ILRUN: variants seen among roughly 807,000 people sequenced by gnomAD.
ILRUN encodes inflammation and lipid regulator with UBA-like and NBR1-like domains.
ILRUN carries 3 observed loss-of-function variants against 33.8 expected under a neutral mutation model. The observed-to-expected ratio is 0.09, with a 90% CI of 0.04 to 0.23. The LOEUF is 0.23. Among genes scored for constraint, ILRUN ranks in the 10% least tolerant of loss-of-function variants. The pLI is 1.00. For missense variants in ILRUN, 210 were observed against 375.1 expected (o/e 0.56, Z 3.64); for synonymous variants, 124 against 138.9 (o/e 0.89, Z 0.75).
intron 1 of ILRUN, among the ~76,000 whole-genome samples, chr6:34,682,021 C>CTTTTTTTTTTTT (rs1377020252): frequency 8.5e-5 from 11 of 130,014 alleles, no homozygotes; most frequent in East Asian, 2.2e-4. Context: ...CCCACTAATT[C>CTTTTTTTTTTTT]TTATATTTTT....
intron 1 of ILRUN, among the ~76,000 whole-genome samples, chr6:34,681,532 G>A (rs889643564): frequency 6.6e-6 from 1 of 152,140 alleles, no homozygotes; most frequent in Non-Finnish European, 1.5e-5. Context: ...GGGAGGCCAA[G>A]GCAGGAGAAT....
intron 1 of ILRUN, among the ~76,000 whole-genome samples, chr6:34,686,393 A>C (rs1471643810): frequency 6.8e-6 from 1 of 146,716 alleles, no homozygotes; most frequent in African/African-American, 2.6e-5. Flanking sequence ...CCAGCTACTC[A>C]GGAGGCTGAG....
At chr6:34,658,607 G>C (rs1041904988) in intron 1 of ILRUN, among the ~76,000 whole-genome samples, 1 of 151,002 alleles carries the variant, frequency 6.6e-6, no homozygotes, top group African/African-American at 2.4e-5. Context: ...AGGAATTCGA[G>C]ACCAGCCTGG....
intron 4 of ILRUN, among the ~76,000 whole-genome samples, chr6:34,599,479 C>T (rs949451707): frequency 1.3e-5 from 2 of 152,086 alleles, no homozygotes; most frequent in Non-Finnish European, 2.9e-5. Context: ...GTACTATTGG[C>T]ATCTAGTGGG....
chr6:34,670,561 G>A (rs941676442), intron 1 of ILRUN, among the ~76,000 whole-genome samples: 5 of 152,098 alleles, frequency 3.3e-5, no homozygotes, highest in Non-Finnish European at 7.4e-5. Flanking sequence ...ATTAAAAGAT[G>A]AGGATAGGGC....
chr6:34,682,170 C>CTA (rs1763375306), intron 1 of ILRUN, among the ~76,000 whole-genome samples: 1 of 150,376 alleles, frequency 6.6e-6, no homozygotes, highest in South Asian at 2.1e-4. Flanking sequence ...CCACGCCCAG[C>CTA]CTTGTCTGTT....
intron 3 of ILRUN, among the ~76,000 whole-genome samples, chr6:34,632,501 T>C (rs1378731698): frequency 6.6e-6 from 1 of 152,082 alleles, no homozygotes. Flanking sequence ...CTTTTCTCTT[T>C]AGACTTTATT....
intron 1 of ILRUN, among the ~76,000 whole-genome samples, chr6:34,666,621 GA>G (rs781332875): frequency 6.6e-6 from 1 of 152,102 alleles, no homozygotes; most frequent in Non-Finnish European, 1.5e-5. Flanking sequence ...ATGGAACTTG[GA>G]AAAAGAATAA....
chr6:34,587,993 T>TG lies in ILRUN; in HGVS notation c.*2571dup, dbSNP rs1761227483. ...AGATTCTAAGAGGAGCAGGGACTAT[T>TG]GGGGCTGAGAGGTAGCCACTACCAC... is the stretch of plus-strand genomic sequence containing the variant. On this transcript the variant is annotated 3_prime_UTR_variant, in exon 5 of 5. Coordinates refer to ENST00000374023, the MANE Select transcript of ILRUN (RefSeq NM_024294.4). The TG allele has an allele frequency of 2.5e-6, 1 of 398,126 alleles. No homozygotes were observed. Among genetic ancestry groups the TG allele is most frequent in the Admixed American group, 4.4e-5 (1 of 22,710 alleles). 24.7% of individuals were successfully genotyped at this position (398,126 alleles called of 1,614,324 possible).
chr6:34,642,193 C>A (rs1762487028), intron 3 of ILRUN, among the ~76,000 whole-genome samples: 1 of 152,170 alleles, frequency 6.6e-6, no homozygotes, highest in African/African-American at 2.4e-5. Context: ...GAAGGGACGA[C>A]ATGACGCTGG....
chr6:34,656,793 T>C (rs982033753), intron 1 of ILRUN, among the ~76,000 whole-genome samples: 1 of 152,242 alleles, frequency 6.6e-6, no homozygotes, highest in Non-Finnish European at 1.5e-5. Flanking sequence ...TCAAGCCTCA[T>C]GCAATGGTGG....
At chr6:34,677,737 C>G (rs190012197) in intron 1 of ILRUN, among the ~76,000 whole-genome samples, 1 of 151,986 alleles carries the variant, frequency 6.6e-6, no homozygotes, top group African/African-American at 2.4e-5. Flanking sequence ...TTGCTTGCAC[C>G]CAGGAGTTCG....
intron 1 of ILRUN, among the ~76,000 whole-genome samples, chr6:34,664,144 C>G (rs1462546865): frequency 1.3e-5 from 2 of 152,162 alleles, no homozygotes; most frequent in African/African-American, 4.8e-5. Context: ...CTTGTGACCT[C>G]CAGAACTGCT....
At position 34,686,101 on chromosome 6, in the gene ILRUN, T is replaced by G. The variant is rs546778699; in HGVS notation, c.158+10345A>C. ...TGGACCTCAGCACATTAGAAACATTTGTGAATCATAGGACATTGTCAAGAA... is the reference window on the plus strand; with the variant it reads ...TGGACCTCAGCACATTAGAAACATTGGTGAATCATAGGACATTGTCAAGAA... On this transcript the variant is annotated intron_variant, in intron 1 of 4. Coordinates refer to ENST00000374023, the MANE Select transcript of ILRUN (RefSeq NM_024294.4). Among the ~76,000 whole-genome samples the G allele has an allele frequency of 2.0e-5, 3 of 152,266 alleles. No individual in the cohort carries two copies. In the South Asian group the frequency reaches 6.2e-4, roughly 32 times the overall value.
At chr6:34,623,619 CAA>C (rs1285314358) in intron 3 of ILRUN, among the ~76,000 whole-genome samples, 1 of 152,056 alleles carries the variant, frequency 6.6e-6, no homozygotes, top group Non-Finnish European at 1.5e-5. Context: ...ATTTAAATTT[CAA>C]AGTACAATTG....
chr6:34,632,745 G>C (rs143077781), intron 3 of ILRUN, among the ~76,000 whole-genome samples: 1 of 150,804 alleles, frequency 6.6e-6, no homozygotes, highest in Non-Finnish European at 1.5e-5. Context: ...GGATGGTCTC[G>C]ATCTCCTGAC....
intron 1 of ILRUN, among the ~76,000 whole-genome samples, chr6:34,661,378 T>C (rs1019046290): frequency 1.3e-5 from 2 of 152,086 alleles, no homozygotes; most frequent in Admixed American, 1.3e-4. Context: ...GGAATCTAGG[T>C]GGTAGGCACA....
At chr6:34,648,494 C>A (rs1457325978) in intron 2 of ILRUN, among the ~76,000 whole-genome samples, 1 of 152,134 alleles carries the variant, frequency 6.6e-6, no homozygotes. Context: ...TTTTAGCATA[C>A]CTTCTTCTAA....
chr6:34,630,221 G>A (rs912278293), intron 3 of ILRUN, among the ~76,000 whole-genome samples: 1 of 152,092 alleles, frequency 6.6e-6, no homozygotes, highest in African/African-American at 2.4e-5. Flanking sequence ...AAGATGGAAC[G>A]CTCCTGAGAA....
Sources: allele counts gnomAD v4.1 joint callset (sites outside exome capture counted in the v4.1 genomes callset), GRCh38; gene constraint gnomAD v4.1.1; transcripts MANE v1.5; gene names NCBI Gene and HGNC (gene_info 2026-07-23, HGNC 2026-07-21).